Variants in FBXW11 observed in about 807,000 individuals in gnomAD.
FBXW11 encodes the protein F-box/WD repeat-containing protein 11.
A neutral mutation model predicts 77.6 loss-of-function variants in FBXW11; 19 were observed. The ratio of observed to expected loss-of-function variants is 0.24; its 90% CI spans 0.17 to 0.36. FBXW11 has a LOEUF of 0.36. Ranked by LOEUF, FBXW11 falls within the 10% of genes least tolerant of loss-of-function variation. FBXW11 has a pLI of 1.00. For missense variants in FBXW11, 334 were observed against 704.2 expected (o/e 0.47, Z 5.95); for synonymous variants, 235 against 249.4 (o/e 0.94, Z 0.54).
intron 1 of FBXW11, among the ~76,000 whole-genome samples, chr5:172,005,437 A>G (rs903534032): frequency 6.6e-6 from 1 of 152,216 alleles, no homozygotes; most frequent in African/African-American, 2.4e-5. Flanking sequence ...AATATCTGCC[A>G]TATTTTATTT....
At chr5:171,948,234 C>CA (rs765248373) in intron 2 of FBXW11, among the ~76,000 whole-genome samples, 1,297 of 43,822 alleles carry the variant, frequency 0.03, 30 homozygotes, top group East Asian at 0.064. Context: ...GACTCCAACT[C>CA]AAAAAAAAAA....
At chr5:171,882,149 G>A (rs1758553825) in intron 7 of FBXW11, among the ~76,000 whole-genome samples, 1 of 152,086 alleles carries the variant, frequency 6.6e-6, no homozygotes, top group African/African-American at 2.4e-5. Context: ...TCCTAAGGTG[G>A]AAGCTTAGAT....
At chr5:171,987,721 G>A (rs1044228808) in intron 1 of FBXW11, among the ~76,000 whole-genome samples, 2 of 152,134 alleles carry the variant, frequency 1.3e-5, no homozygotes, top group African/African-American at 2.4e-5. Flanking sequence ...CCACAGTGCT[G>A]GGATTACGGG....
intron 2 of FBXW11, among the ~76,000 whole-genome samples, chr5:171,919,447 T>A (rs1237773655): frequency 6.6e-6 from 1 of 151,752 alleles, no homozygotes; most frequent in Non-Finnish European, 1.5e-5. Context: ...CACAATACTC[T>A]AACGCCTGTT....
At chr5:171,957,804 C>T in intron 1 of FBXW11, 106 bp from the exon 2 acceptor site, 1 of 940,992 alleles carries the variant, frequency 1.1e-6, no homozygotes, top group Non-Finnish European at 1.7e-6. Flanking sequence ...GGGGTGCACC[C>T]TTGGCAGTTT....
At position 171,887,783 on chromosome 5, in the gene FBXW11, G is replaced by A. The variant is rs557103187; in HGVS notation, c.852+3684C>T. Among the ~76,000 whole-genome samples the A allele has an allele frequency of 1.2e-4, 18 of 151,658 alleles. No homozygotes were observed. The South Asian group carries it at 3.1e-3, about 26-fold the overall frequency. ...AGCAATTCTCATGCCTCAGCCTCCCGAGTATCTGGGATTACAGGTGCCCAC... is the reference window on the plus strand; with the variant it reads ...AGCAATTCTCATGCCTCAGCCTCCCAAGTATCTGGGATTACAGGTGCCCAC... On this transcript the variant is annotated intron_variant, in intron 7 of 13. Coordinates refer to ENST00000517395, the MANE Select transcript of FBXW11 (RefSeq NM_001378974.1).
chr5:171,882,923 T>C (rs1264328860), intron 7 of FBXW11, among the ~76,000 whole-genome samples: 1 of 152,168 alleles, frequency 6.6e-6, no homozygotes, highest in African/African-American at 2.4e-5. Flanking sequence ...TGTAGTCTTC[T>C]ATCCCTTGCC....
chr5:171,929,831 G>T (rs920280053), intron 2 of FBXW11, among the ~76,000 whole-genome samples: 1 of 152,156 alleles, frequency 6.6e-6, no homozygotes, highest in Middle Eastern at 3.2e-3. Context: ...CAGCCTAGGC[G>T]AGAGAGCGAG....
chr5:171,920,323 C>G (rs1761518975), intron 2 of FBXW11, among the ~76,000 whole-genome samples: 1 of 151,618 alleles, frequency 6.6e-6, no homozygotes, highest in Non-Finnish European at 1.5e-5. Context: ...CTCCATTATC[C>G]TCAGAGTCAG....
At chr5:171,981,027 T>G (rs1274176984) in intron 1 of FBXW11, among the ~76,000 whole-genome samples, 1 of 151,698 alleles carries the variant, frequency 6.6e-6, no homozygotes, top group Non-Finnish European at 1.5e-5. Flanking sequence ...CCCACCACCA[T>G]CTCCGGGAAA....
chr5:171,985,260 T>C (rs570725371), intron 1 of FBXW11, among the ~76,000 whole-genome samples: 10 of 152,296 alleles, frequency 6.6e-5, no homozygotes, highest in African/African-American at 2.2e-4. Flanking sequence ...CAGATCTTGC[T>C]CTAATGTTCA....
intron 2 of FBXW11, among the ~76,000 whole-genome samples, chr5:171,920,431 A>AC (rs1259443177): frequency 6.6e-6 from 1 of 151,396 alleles, no homozygotes; most frequent in Admixed American, 6.6e-5. Context: ...AAAAAAAAAA[A>AC]AAACCCTGAA....
chr5:171,999,835 T>A (rs1003266560), intron 1 of FBXW11, among the ~76,000 whole-genome samples: 2 of 152,078 alleles, frequency 1.3e-5, no homozygotes, highest in Admixed American at 6.6e-5. Context: ...CTTTTTTTTT[T>A]ATTTTTCCTA....
At chr5:171,924,977 A>G (rs1761812328) in intron 2 of FBXW11, among the ~76,000 whole-genome samples, 1 of 152,178 alleles carries the variant, frequency 6.6e-6, no homozygotes, top group East Asian at 1.9e-4. Context: ...GAAGCAGGCT[A>G]CAGCACGCCT....
chr5:171,867,447 G>A (rs1342745459), intron 13 of FBXW11, among the ~76,000 whole-genome samples: 1 of 150,504 alleles, frequency 6.6e-6, no homozygotes, highest in Admixed American at 6.6e-5. Flanking sequence ...CTTAGCCTGT[G>A]GAGACAGGAA....
intron 6 of FBXW11, among the ~76,000 whole-genome samples, chr5:171,892,827 G>A (rs1383634590): frequency 1.3e-5 from 2 of 152,186 alleles, no homozygotes; most frequent in Non-Finnish European, 2.9e-5. Flanking sequence ...TTCAGTTCAG[G>A]ATATAGTTTC....
At chr5:171,935,904 A>G (rs1762449742) in intron 2 of FBXW11, among the ~76,000 whole-genome samples, 1 of 152,028 alleles carries the variant, frequency 6.6e-6, no homozygotes, top group Admixed American at 6.6e-5. Context: ...TGAGGTCAGG[A>G]GTTCGAGACA....
intron 1 of FBXW11, among the ~76,000 whole-genome samples, chr5:171,988,291 G>A (rs999765406): frequency 6.6e-6 from 1 of 152,024 alleles, no homozygotes; most frequent in Non-Finnish European, 1.5e-5. Flanking sequence ...GGAAATATAA[G>A]GTGAGTCTGG....
At position 171,868,693 on chromosome 5, in the gene FBXW11, G is replaced by C; in HGVS notation, c.1634C>G (p.Pro545Arg). ...ILIWDFLNVPPSAQNETRSPS... is the reference protein window; with the variant it reads ...ILIWDFLNVPRSAQNETRSPS... ...AGAACGGGTCTCATTCTGGGCACTGGGAGGCACATTTAAGAAATCCCAAAT... is the reference window on the plus strand; with the variant it reads ...AGAACGGGTCTCATTCTGGGCACTGCGAGGCACATTTAAGAAATCCCAAAT... The change falls in exon 13 of 14, where the codon CCC becomes CGC. Residue 545 changes from proline (P) to arginine (R), a missense_variant. This residue lies in a region of FBXW11 where 20 missense variants were observed against 26.8 expected (regional missense o/e 0.75). Coordinates refer to ENST00000517395, the MANE Select transcript of FBXW11 (RefSeq NM_001378974.1). 1 of 1,613,932 alleles carries C rather than the reference G, an allele frequency of 6.2e-7. No homozygotes were observed. The highest frequency in any genetic ancestry group is 2.2e-5 in the East Asian group (1 of 44,880).
Sources: allele counts gnomAD v4.1 joint callset (sites outside exome capture counted in the v4.1 genomes callset), GRCh38; gene constraint gnomAD v4.1.1; regional missense constraint gnomAD v4.1.1; transcripts MANE v1.5; gene names NCBI Gene and HGNC (gene_info 2026-07-23, HGNC 2026-07-21).